The following MECR variants were observed in gnomAD, a reference collection of about 807,000 sequenced individuals.
MECR encodes enoyl-[acyl-carrier-protein] reductase, mitochondrial.
A neutral mutation model predicts 49.1 loss-of-function variants in MECR; 37 were observed. The observed-to-expected ratio is 0.75, with a 90% CI of 0.58 to 0.99. The LOEUF (loss-of-function observed/expected upper bound fraction) is 0.99, where lower values mean the gene tolerates loss of function less well. MECR is among the 50% of genes least tolerant of loss of function. The pLI, the probability that MECR is intolerant of heterozygous loss-of-function variation, is 0.00. For synonymous variants in MECR, 198 were observed against 191.1 expected (o/e 1.04, Z -0.30); for missense variants, 470 against 479.6 (o/e 0.98, Z 0.19).
chr1:29,179,401 C>T, the MECR span, among the ~76,000 whole-genome samples: 1 of 152,074 alleles, frequency 6.6e-6, no homozygotes, highest in Non-Finnish European at 1.5e-5. Flanking sequence ...TTGCTGTTAC[C>T]CAGACTGGAG....
the MECR span, among the ~76,000 whole-genome samples, chr1:29,182,500 G>A: frequency 6.6e-6 from 1 of 152,240 alleles, no homozygotes. Context: ...GAGCTTTGGA[G>A]CTAGACTAGG....
chr1:29,219,960 C>T (rs541930343), intron 1 of MECR, among the ~76,000 whole-genome samples: 2 of 152,250 alleles, frequency 1.3e-5, no homozygotes, highest in African/African-American at 2.4e-5. Context: ...CCTAGTTTTG[C>T]AGTCAGAATA....
At chr1:29,195,189 G>A (rs1157397143) in intron 9 of MECR, among the ~76,000 whole-genome samples, 1 of 152,132 alleles carries the variant, frequency 6.6e-6, no homozygotes. Flanking sequence ...TAAGGCCTCT[G>A]TAACCTGGTC....
intron 7 of MECR, among the ~76,000 whole-genome samples, chr1:29,199,540 T>G (rs965489546): frequency 6.6e-6 from 1 of 152,144 alleles, no homozygotes. Context: ...AAGCTTATAT[T>G]AAGGGAAAGA....
chr1:29,181,485 C>T, the MECR span, among the ~76,000 whole-genome samples: 3 of 152,312 alleles, frequency 2.0e-5, no homozygotes, highest in African/African-American at 7.2e-5. Context: ...CAGTGGGAAC[C>T]GGGGCCTACC....
chr1:29,194,559 G>A (rs1456460494), intron 9 of MECR, among the ~76,000 whole-genome samples: 1 of 152,122 alleles, frequency 6.6e-6, no homozygotes, highest in Non-Finnish European at 1.5e-5. Context: ...GAGAGGGAGT[G>A]GGTATGCCTG....
rs1235010326 is a variant in MECR, at chr1:29,230,812, G to A, written c.95C>T (p.Ser32Phe). The A allele has an allele frequency of 5.0e-6, 8 of 1,608,184 alleles. No homozygotes were observed. The highest frequency in any genetic ancestry group is 4.4e-5 in the South Asian group (4 of 90,516). The change falls in exon 1 of 10, where the codon TCC (serine) becomes TTC (phenylalanine). Residue 32 changes from serine (S) to phenylalanine (F), a missense_variant. By Grantham distance (155) the Ser-to-Phe change is radical (BLOSUM62 -2). Transcript: ENST00000263702. ...AGGCTCGGCGGATGCGGAGTAGGAGGAGGCGGCAGGTCCGTGACAGCCAGA... is the reference window on the plus strand; with the variant it reads ...AGGCTCGGCGGATGCGGAGTAGGAGAAGGCGGCAGGTCCGTGACAGCCAGA... ...PASGCHGPAASSYSASAEPAR... is the reference protein window; with the variant it reads ...PASGCHGPAAFSYSASAEPAR...
In MECR at chr1:29,230,915, C is replaced by T. The variant is rs895280978; in HGVS notation, c.-9G>A. 2 of 1,588,958 alleles carry T rather than the reference C, an allele frequency of 1.3e-6. No homozygotes were observed. The highest frequency in any genetic ancestry group is 1.4e-5 in the African/African-American group (1 of 73,892). ...GTACTGCAGACCCACATGCTCGCTC[C>T]AACCAACACAGAGCCTGACGCCCCG... On this transcript the variant is annotated 5_prime_UTR_variant, in exon 1 of 10. Transcript: ENST00000263702.
chr1:29,196,101 C>A (rs1163427073), intron 8 of MECR, 88 bp from the exon 9 acceptor site: 1 of 1,597,958 alleles, frequency 6.3e-7, no homozygotes, highest in Non-Finnish European at 8.6e-7. Flanking sequence ...AGGAACGGGG[C>A]ATTGCCTAAG....
the MECR span, chr1:29,181,824 GGCGGCA>G: frequency 7.9e-7 from 1 of 1,267,080 alleles, no homozygotes; most frequent in South Asian, 1.9e-5. Context: ...GCGAGAGCAC[GGCGGCA>G]GCGGCGGCGG....
intron 3 of MECR, among the ~76,000 whole-genome samples, chr1:29,212,830 C>T (rs933237093): frequency 1.1e-4 from 17 of 152,234 alleles, no homozygotes; most frequent in Admixed American, 2.6e-4. Flanking sequence ...CCAGCCCCAC[C>T]CCACCTTTCC....
intron 7 of MECR, among the ~76,000 whole-genome samples, chr1:29,197,325 T>A (rs1674243552): frequency 6.6e-6 from 1 of 152,104 alleles, no homozygotes; most frequent in Non-Finnish European, 1.5e-5. Flanking sequence ...ATTCTAAGAA[T>A]CAACGTGAGG....
At chr1:29,183,960 A>G in the MECR span, among the ~76,000 whole-genome samples, 2 of 150,582 alleles carry the variant, frequency 1.3e-5, no homozygotes, top group African/African-American at 4.9e-5. Context: ...GCTCACTGCA[A>G]CCTACGCCTT....
At chr1:29,223,324 G>C (rs1043889521) in intron 1 of MECR, 102 of 980,522 alleles carry the variant, frequency 1.0e-4, no homozygotes, top group Non-Finnish European at 1.2e-4. Context: ...TTTTGAGAGG[G>C]GGGAAAAGAG....
chr1:29,169,830 C>A, the MECR span: 1 of 152,140 alleles, frequency 6.6e-6, no homozygotes, highest in African/African-American at 2.4e-5. Flanking sequence ...ATCCTAAACA[C>A]CAAACAGTAA....
intron 1 of MECR, chr1:29,224,945 A>T (rs1233561251): frequency 6.6e-6 from 1 of 152,218 alleles, no homozygotes; most frequent in African/African-American, 2.4e-5. Context: ...GACAACTTGG[A>T]GTGGCTCCGA....
At chr1:29,188,220 C>T (rs1322583368), downstream of MECR, among the ~76,000 whole-genome samples, 1 of 151,154 alleles carries the variant, frequency 6.6e-6, no homozygotes, top group Non-Finnish European at 1.5e-5. Context: ...AATGGAGTCT[C>T]ACTCTGTTGC....
At chr1:29,219,641 C>T (rs1055004715) in intron 1 of MECR, among the ~76,000 whole-genome samples, 3 of 152,176 alleles carry the variant, frequency 2.0e-5, no homozygotes, top group Admixed American at 2.0e-4. Context: ...TTGATCAGGA[C>T]AAGACATAGG....
downstream of MECR, among the ~76,000 whole-genome samples, chr1:29,188,130 G>T (rs1460629987): frequency 1.3e-5 from 2 of 150,632 alleles, no homozygotes; most frequent in Non-Finnish European, 3.0e-5. Context: ...GGCCAGGCTA[G>T]CCTCGAACTC....
Sources: allele counts gnomAD v4.1 joint callset (sites outside exome capture counted in the v4.1 genomes callset), GRCh38; gene constraint gnomAD v4.1.1; transcripts MANE v1.5; gene names NCBI Gene and HGNC (gene_info 2026-07-23, HGNC 2026-07-21).